Variants in BORA observed in about 807,000 individuals in gnomAD.
The protein encoded by BORA is BORA aurora kinase A activator.
A neutral mutation model predicts 55.8 loss-of-function variants in BORA; 26 were observed. The observed-to-expected ratio is 0.47, with a 90% CI of 0.34 to 0.65. The LOEUF is 0.65. Among genes scored for constraint, BORA ranks in the 30% least tolerant of loss-of-function variants. The probability of loss-of-function intolerance (pLI) is 0.01; values close to 1 mark genes in which losing one functional copy is unlikely to be tolerated. For missense variants in BORA, 568 were observed against 671.5 expected (o/e 0.85, Z 1.70); for synonymous variants, 201 against 216.9 (o/e 0.93, Z 0.64).
Position 72,755,975 on chromosome 13 carries a change from T to A in BORA, c.*759T>A, listed in dbSNP as rs2033454951. 1 of 398,478 alleles carries A rather than the reference T, an allele frequency of 2.5e-6. No homozygotes were observed. The highest frequency in any genetic ancestry group is 4.4e-5 in the Admixed American group (1 of 22,704). The allele number at this position is 398,478 out of a possible 1,614,324, so 24.7% of individuals were successfully genotyped here. On this transcript the variant is annotated 3_prime_UTR_variant, in exon 12 of 12. Transcript: ENST00000390667. ...GGAGAACCAAGAGAAAAAGTGGGGC[T>A]GGGAGAGTGGAGTTCCCGTAGGGCA...
At chr13:72,735,411 A>G (rs1160314509) in intron 4 of BORA, among the ~76,000 whole-genome samples, 1 of 152,126 alleles carries the variant, frequency 6.6e-6, no homozygotes, top group African/African-American at 2.4e-5. Flanking sequence ...CAGAGTCTAG[A>G]TTGGCATTGG....
At chr13:72,737,437 A>C (rs543344708) in intron 4 of BORA, among the ~76,000 whole-genome samples, 1 of 152,366 alleles carries the variant, frequency 6.6e-6, no homozygotes, top group African/African-American at 2.4e-5. Context: ...AATAATTAGC[A>C]AGTGGTGAGT....
At chr13:72,754,714 T>G (rs2033397518) in intron 11 of BORA, 1 of 152,638 alleles carries the variant, frequency 6.6e-6, no homozygotes. Context: ...TTTTTTAAAT[T>G]TTATTATTTT....
chr13:72,735,129 T>C, intron 4 of BORA, 124 bp downstream of exon 4: 1 of 746,856 alleles, frequency 1.3e-6, no homozygotes. Flanking sequence ...CCCTTCACAG[T>C]CCCATCTATA....
chr13:72,728,164 A>G (rs2032722845), intron 1 of BORA, 157 bp downstream of exon 1: 2 of 1,042,530 alleles, frequency 1.9e-6, no homozygotes, highest in South Asian at 2.7e-5. Flanking sequence ...GTGGCCACGT[A>G]GGGTTGGGGG....
At position 72,755,804 on chromosome 13, in the gene BORA, G is replaced by A; in HGVS notation, c.*588G>A. Reference sequence around the variant, plus strand: ...ACTACTTTTAAGTATGTAAATACTAGAAAGGTAGTACTAGTGACATCATCA... The same window carrying A: ...ACTACTTTTAAGTATGTAAATACTAAAAAGGTAGTACTAGTGACATCATCA... On this transcript the variant is annotated 3_prime_UTR_variant, in exon 12 of 12. Coordinates refer to ENST00000390667, the MANE Select transcript of BORA (RefSeq NM_024808.5). 1 of 398,462 alleles carries A rather than the reference G, an allele frequency of 2.5e-6. No homozygotes were observed. Among genetic ancestry groups the A allele is most frequent in the Non-Finnish European group, 4.4e-6 (1 of 226,062 alleles). The allele number at this position is 398,462 out of a possible 1,614,324, so 24.7% of individuals were successfully genotyped here.
At chr13:72,732,173 T>C (rs2032833029) in intron 3 of BORA, among the ~76,000 whole-genome samples, 1 of 152,202 alleles carries the variant, frequency 6.6e-6, no homozygotes, top group South Asian at 2.1e-4. Context: ...AGGATAATCC[T>C]TTTCCCTTTG....
At chr13:72,739,684 A>AT (rs1463701242) in intron 5 of BORA, among the ~76,000 whole-genome samples, 7 of 152,304 alleles carry the variant, frequency 4.6e-5, no homozygotes, top group Admixed American at 1.3e-4. Flanking sequence ...GTGAAAACCC[A>AT]TTGTGTGTCC....
At chr13:72,731,243 G>A (rs1277831976) in intron 2 of BORA, 38 bp from the exon 3 acceptor site, 1 of 1,264,196 alleles carries the variant, frequency 7.9e-7, no homozygotes, top group East Asian at 2.3e-5. Flanking sequence ...AACTATTTTA[G>A]TTTGCCTTTA....
chr13:72,735,103 C>G, intron 4 of BORA, 98 bp downstream of exon 4: 1 of 934,436 alleles, frequency 1.1e-6, no homozygotes, highest in Admixed American at 2.0e-5. Flanking sequence ...CTTCACTGTC[C>G]TATCTCCCCT....
intron 6 of BORA, 84 bp downstream of exon 6, chr13:72,743,686 T>C: frequency 1.0e-6 from 1 of 980,448 alleles, no homozygotes; most frequent in East Asian, 2.8e-5. Context: ...AGTAACACTT[T>C]ACTCTGGAAT....
rs775551062 is a variant in BORA, at chr13:72,756,013, G to T, written c.*797G>T. 1.1e-4 allele frequency: 45 copies of T among 398,364 alleles called. No individual in the cohort carries two copies. Among genetic ancestry groups the T allele is most frequent in the Non-Finnish European group, 1.8e-4 (40 of 225,984 alleles). The allele number at this position is 398,364 out of a possible 1,614,324, so 24.7% of individuals were successfully genotyped here. On this transcript the variant is annotated 3_prime_UTR_variant, in exon 12 of 12. Transcript: ENST00000390667. ...TTCCCGTAGGGCATAGGCCTGTGAA[G>T]TAACACTGGGGCAGATATGTATGTT...
rs374732607 is a variant in BORA, at chr13:72,731,360, G to A, written c.233G>A (p.Arg78His). 1.6e-5 allele frequency: 26 copies of A among 1,610,020 alleles called. No individual in the cohort carries two copies. The East Asian group carries it at 2.0e-4, about 12-fold the overall frequency. The change falls in exon 3 of 12, where the codon CGT (arginine) becomes CAT (histidine). Residue 78 changes from arginine (R) to histidine (H), a missense_variant. Coordinates refer to ENST00000390667, the MANE Select transcript of BORA (RefSeq NM_024808.5). ...GAAATAGACCCAGAAGATATTCATC[G>A]TCAAGCTTTATACTTAAGTCATTCT... ...PVEIDPEDIH[R>H]QALYLSHSRI... is the part of the protein sequence containing the mutation.
At chr13:72,742,765 TATAC>T (rs1214087254) in intron 5 of BORA, among the ~76,000 whole-genome samples, 1,266 of 53,936 alleles carry the variant, frequency 0.023, 19 homozygotes, top group African/African-American at 0.052. Flanking sequence ...TATATATATA[TATAC>T]ACACACACAC....
At position 72,727,968 on chromosome 13, in the gene BORA, C is replaced by T. The variant is rs750826798; in HGVS notation, c.-55C>T. 1.9e-6 allele frequency: 3 copies of T among 1,550,468 alleles called. No individual in the cohort carries two copies. Among genetic ancestry groups the T allele is most frequent in the East Asian group, 2.4e-5 (1 of 40,900 alleles). Reference sequence around the variant, plus strand: ...GGAAGCTGGCCTGGCCCCCGGAGCTCCCTGGAGTCGGTACTGGGGGCTTCG... The same window carrying T: ...GGAAGCTGGCCTGGCCCCCGGAGCTTCCTGGAGTCGGTACTGGGGGCTTCG... On this transcript the variant is annotated 5_prime_UTR_variant, in exon 1 of 12. Coordinates refer to ENST00000390667, the MANE Select transcript of BORA (RefSeq NM_024808.5).
At chr13:72,738,091 A>G (rs1443916239) in intron 5 of BORA, 48 bp downstream of exon 5, 9 of 1,381,362 alleles carry the variant, frequency 6.5e-6, no homozygotes, top group Admixed American at 1.8e-5. Flanking sequence ...AAGTCGGTGA[A>G]TATAAAGCAA....
intron 10 of BORA, among the ~76,000 whole-genome samples, chr13:72,747,541 G>T (rs1593817948): frequency 6.7e-6 from 1 of 148,342 alleles, no homozygotes; most frequent in Admixed American, 6.7e-5. Flanking sequence ...TAGAGCACTG[G>T]TTTTTTTTTT....
intron 3 of BORA, among the ~76,000 whole-genome samples, chr13:72,731,932 C>T (rs952925772): frequency 1.3e-5 from 2 of 152,068 alleles, no homozygotes; most frequent in African/African-American, 4.8e-5. Flanking sequence ...TACATATCAC[C>T]CAGTGCAGTC....
chr13:72,728,459 T>TA (rs1482575819), intron 1 of BORA, among the ~76,000 whole-genome samples: 9 of 152,194 alleles, frequency 5.9e-5, no homozygotes, highest in Admixed American at 5.9e-4. Flanking sequence ...CCTCATCTCT[T>TA]ACCTGCTTGC....
Sources: gnomAD v4.1 joint callset for allele counts (sites outside exome capture counted in the v4.1 genomes callset) on GRCh38, gnomAD v4.1.1 for gene constraint, MANE v1.5 for transcripts, NCBI Gene and HGNC (gene_info 2026-07-23, HGNC 2026-07-21) for gene names.